CROCC: variants seen among roughly 807,000 people sequenced by gnomAD.
CROCC encodes the protein rootletin.
CROCC carries 180 observed loss-of-function variants against 245.2 expected under a neutral mutation model. The ratio of observed to expected loss-of-function variants is 0.73; its 90% CI spans 0.65 to 0.83. CROCC has a LOEUF of 0.83. CROCC is among the 40% of genes least tolerant of loss of function. The pLI is 0.00. For synonymous variants in CROCC, 1,205 were observed against 1,241.6 expected (o/e 0.97, Z 0.62); for missense variants, 2,688 against 2,779.4 (o/e 0.97, Z 0.74).
intron 19 of CROCC, 38 bp from the exon 20 acceptor site, chr1:16,950,915 A>G (rs2076148690): frequency 6.8e-7 from 1 of 1,468,630 alleles, no homozygotes; most frequent in African/African-American, 1.4e-5. Flanking sequence ...GAAAAGTTTC[A>G]ACCCAACCCT....
intron 24 of CROCC, 84 bp downstream of exon 24, chr1:16,955,634 A>C (rs1338199743): frequency 8.2e-7 from 1 of 1,212,762 alleles, no homozygotes; most frequent in Non-Finnish European, 1.1e-6. Context: ...GTTCTGGGGA[A>C]ATTGCCCAGA....
Position 16,970,356 on chromosome 1 carries a change from G to A in CROCC, c.5555G>A (p.Arg1852His), listed in dbSNP as rs563375912. 108 of 1,595,834 alleles carry A rather than the reference G, an allele frequency of 6.8e-5. No homozygotes were observed. The East Asian group carries it at 1.2e-3, about 18-fold the overall frequency. ...LLQERLGSLQ[R>H]ALAQLEAEKR... is the part of the protein sequence containing the mutation. ...CAGGAGCGCCTGGGAAGCCTGCAGC[G>A]CGCCCTGGCTCAGCTGGAAGCTGAG... The change falls in exon 34 of 37, where the codon CGC becomes CAC. Residue 1852 changes from arginine (R) to histidine (H), a missense_variant. Physicochemically the swap from Arg to His is conservative, Grantham distance 29. Coordinates refer to ENST00000375541, the MANE Select transcript of CROCC (RefSeq NM_014675.5).
At position 16,948,325 on chromosome 1, in the gene CROCC, G is replaced by A. The variant is rs757381328; in HGVS notation, c.2515-6G>A. 88 of 1,557,558 alleles carry A rather than the reference G, an allele frequency of 5.6e-5. No homozygotes were observed. The highest frequency in any genetic ancestry group is 6.1e-5 in the Non-Finnish European group (71 of 1,157,122). ...GAGTGCTACTCAGTCTCTGGGTGGG[G>A]GCCAGCTCTCCCGGCAGCTGAGCGG... On this transcript the variant is annotated splice_polypyrimidine_tract_variant and splice_region_variant and intron_variant, in intron 17 of 36. Coordinates refer to ENST00000375541, the MANE Select transcript of CROCC (RefSeq NM_014675.5).
chr1:16,931,964 A>C (rs1260307963), intron 8 of CROCC, among the ~76,000 whole-genome samples: 1 of 150,530 alleles, frequency 6.6e-6, no homozygotes, highest in Non-Finnish European at 1.5e-5. Flanking sequence ...ACGGGGTTTC[A>C]CCATGTTGCC....
chr1:16,920,183 A>T (rs181379330), upstream of CROCC, among the ~76,000 whole-genome samples: 83 of 152,332 alleles, frequency 5.4e-4, no homozygotes, highest in African/African-American at 1.9e-3. Context: ...GGTTCAAGCG[A>T]TTCTCCTGAC....
chr1:16,971,416 A>G lies in CROCC; in HGVS notation c.5785-49A>G, dbSNP rs990222703. ...ACCTGACAACCCGTCACACATGCACACACACACTCACACTGGGCCAGAACG... is the reference window on the plus strand; with the variant it reads ...ACCTGACAACCCGTCACACATGCACGCACACACTCACACTGGGCCAGAACG... On this transcript the variant is annotated intron_variant, in intron 35 of 36. Transcript: ENST00000375541. The G allele has an allele frequency of 2.4e-5, 35 of 1,487,826 alleles. No individual in the cohort carries two copies. The Admixed American group carries it at 7.1e-4, about 30-fold the overall frequency. The allele number at this position is 1,487,826 out of a possible 1,614,324, so 92.2% of individuals were successfully genotyped here. A position where few individuals can be genotyped will look rare whatever the true frequency, so the allele number is the denominator to read the frequency against.
chr1:16,954,490 C>G lies in CROCC; in HGVS notation c.3321+133C>G. The G allele has an allele frequency of 7.6e-7, 1 of 1,322,566 alleles. No individual in the cohort carries two copies. Among genetic ancestry groups the G allele is most frequent in the South Asian group, 1.5e-5 (1 of 66,096 alleles). 81.9% of individuals were successfully genotyped at this position (1,322,566 alleles called of 1,614,324 possible). A position where few individuals can be genotyped will look rare whatever the true frequency, so the allele number is the denominator to read the frequency against. On this transcript the variant is annotated intron_variant, in intron 22 of 36. Coordinates refer to ENST00000375541, the MANE Select transcript of CROCC (RefSeq NM_014675.5). This position sits in a 1 kb window ranked among gnomAD's most constrained non-coding sequence, Gnocchi z 4.4. Reference sequence around the variant, plus strand: ...CTGTGGGAAAGGAGGTTTAGCCCTTCTTTTGGGAGCCCCCATCTGAGGGAG... The same window carrying G: ...CTGTGGGAAAGGAGGTTTAGCCCTTGTTTTGGGAGCCCCCATCTGAGGGAG...
chr1:16,963,304 T>C (rs889924768), intron 27 of CROCC, among the ~76,000 whole-genome samples: 13 of 149,786 alleles, frequency 8.7e-5, no homozygotes, highest in Non-Finnish European at 1.3e-4. Context: ...AGCGAGCAGC[T>C]GGGAGGGGGA....
intron 3 of CROCC, among the ~76,000 whole-genome samples, chr1:16,926,769 C>T (rs2075544082): frequency 6.6e-6 from 1 of 152,272 alleles, no homozygotes; most frequent in Admixed American, 6.5e-5. Flanking sequence ...ACCCCCTGGG[C>T]TCCCTCGTGT....
chr1:16,971,591 A>T lies in CROCC; in HGVS notation c.5911A>T (p.Thr1971Ser), dbSNP rs1484254343. ...CAGCGCCCAGGCGCAGACTGAGCGC[A>T]CCCTGGAGGCTCGGGAGCGGGCCCA... ...LRSAQAQTERTLEARERAHRQ... is the reference protein window; with the variant it reads ...LRSAQAQTERSLEARERAHRQ... Residue 1971 changes from threonine to serine, a missense_variant, in exon 36 of 37, where the codon ACC (threonine) becomes TCC (serine). Physicochemically the swap from Thr to Ser is moderately conservative, Grantham distance 58. Coordinates refer to ENST00000375541, the MANE Select transcript of CROCC (RefSeq NM_014675.5). The T allele has an allele frequency of 1.3e-6, 2 of 1,526,682 alleles. No homozygotes were observed. Among genetic ancestry groups the T allele is most frequent in the Admixed American group, 4.0e-5 (2 of 50,558 alleles). 94.6% of individuals were successfully genotyped at this position (1,526,682 alleles called of 1,614,324 possible).
At chr1:16,957,386 G>A (rs896499641) in intron 25 of CROCC, among the ~76,000 whole-genome samples, 23 of 152,166 alleles carry the variant, frequency 1.5e-4, no homozygotes, top group African/African-American at 4.6e-4. Flanking sequence ...CAGCCTGGGC[G>A]ACAAAGCAAG....
rs1447413230 is a variant in CROCC, at chr1:16,966,473, G to A, written c.4762G>A (p.Val1588Met). Residue 1588 changes from valine to methionine, a missense_variant, in exon 30 of 37, where the codon GTG (valine) becomes ATG (methionine). Physicochemically the swap from Val to Met is conservative, Grantham distance 21 (BLOSUM62 1). This residue lies in a region of CROCC where 1,218 missense variants were observed against 1,286.3 expected (regional missense o/e 0.95). Transcript: ENST00000375541. The surrounding 1 kb of genome is among the most constrained non-coding windows in gnomAD (Gnocchi z 4.8). The part of the protein sequence containing the change: ...QAELALQEES[V>M]RRSERERRAT... The stretch of plus-strand genomic sequence containing the variant: ...GGAGCTGGCGCTGCAGGAGGAGAGT[G>A]TGCGGCGCAGTGAGCGGGAGCGCCG... 2.6e-6 allele frequency: 4 copies of A among 1,535,862 alleles called. No individual in the cohort carries two copies. In the African/African-American group the frequency reaches 4.1e-5, roughly 16 times the overall value.
At position 16,954,953 on chromosome 1, in the gene CROCC, C is replaced by T; in HGVS notation, c.3465+76C>T. 7.0e-7 allele frequency: 1 copy of T among 1,427,440 alleles called. No individual in the cohort carries two copies. Among genetic ancestry groups the T allele is most frequent in the Non-Finnish European group, 9.3e-7 (1 of 1,079,778 alleles). 88.4% of individuals were successfully genotyped at this position (1,427,440 alleles called of 1,614,324 possible). On this transcript the variant is annotated intron_variant, in intron 23 of 36. Transcript: ENST00000375541. The surrounding 1 kb of genome is among the most constrained non-coding windows in gnomAD (Gnocchi z 4.4). ...TGCCTGGGGGCCTAGTTCCCCAGGG[C>T]CCCAGAAGAGTGTAAGATTCCTCCC... is the stretch of plus-strand genomic sequence containing the variant.
chr1:16,927,841 C>T (rs2075570870), intron 3 of CROCC, among the ~76,000 whole-genome samples: 1 of 152,300 alleles, frequency 6.6e-6, no homozygotes, highest in African/African-American at 2.4e-5. Flanking sequence ...ACTTCCACCT[C>T]CCCTGCACAG....
chr1:16,927,430 G>A (rs1320561251), intron 3 of CROCC, among the ~76,000 whole-genome samples: 1 of 152,202 alleles, frequency 6.6e-6, no homozygotes, highest in Non-Finnish European at 1.5e-5. Flanking sequence ...AGGGAGCCCA[G>A]GCACACCCCC....
intron 25 of CROCC, 52 bp downstream of exon 25, chr1:16,956,208 C>A: frequency 1.4e-6 from 2 of 1,454,994 alleles, no homozygotes; most frequent in Non-Finnish European, 1.8e-6. Context: ...TGCCCCGGGC[C>A]AATAGCTCCC....
In CROCC at chr1:16,954,623, C is replaced by T. The variant is rs1217149211; in HGVS notation, c.3322-111C>T. On this transcript the variant is annotated intron_variant, in intron 22 of 36. Coordinates refer to ENST00000375541, the MANE Select transcript of CROCC (RefSeq NM_014675.5). This position sits in a 1 kb window ranked among gnomAD's most constrained non-coding sequence, Gnocchi z 4.4. ...GTTGGCAGAGGGTCCGGCAGGCCAG[C>T]GGGAGGGGCCGTGTTTAGAGCTAAA... The T allele has an allele frequency of 7.2e-6, 10 of 1,390,044 alleles. No homozygotes were observed. Among genetic ancestry groups the T allele is most frequent in the Middle Eastern group, 2.6e-4 (1 of 3,836 alleles). 86.1% of individuals were successfully genotyped at this position (1,390,044 alleles called of 1,614,324 possible).
intron 27 of CROCC, among the ~76,000 whole-genome samples, chr1:16,965,506 G>A (rs1397029984): frequency 6.6e-6 from 1 of 152,206 alleles, no homozygotes; most frequent in Non-Finnish European, 1.5e-5. Flanking sequence ...CCCTGGAGCT[G>A]GGACAAAGAA....
At chr1:16,929,116 T>G (rs1357215452) in intron 3 of CROCC, among the ~76,000 whole-genome samples, 9 of 152,386 alleles carry the variant, frequency 5.9e-5, no homozygotes, top group African/African-American at 2.2e-4. Flanking sequence ...CATGAGCCAC[T>G]GCACCCAGCC....
Sources: gnomAD v4.1 joint callset for allele counts (sites outside exome capture counted in the v4.1 genomes callset) on GRCh38, gnomAD v4.1.1 for gene constraint, gnomAD v4.1.1 regional missense constraint, Gnocchi (gnomAD v3.1) non-coding constraint, MANE v1.5 for transcripts, NCBI Gene and HGNC (gene_info 2026-07-23, HGNC 2026-07-21) for gene names.